The following LRRK1 variants were observed in gnomAD, a reference collection of about 807,000 sequenced individuals.
LRRK1 encodes leucine rich repeat kinase 1, also known as leucine-rich repeat serine/threonine-protein kinase 1.
In LRRK1, 113 loss-of-function variants were observed where a neutral mutation model predicts 209.1. The ratio of observed to expected loss-of-function variants is 0.54; its 90% CI spans 0.46 to 0.63. The LOEUF (loss-of-function observed/expected upper bound fraction) is 0.63. LRRK1 is among the 30% of genes least tolerant of loss of function. The probability of loss-of-function intolerance (pLI) is 0.00; values close to 1 mark genes in which losing one functional copy is unlikely to be tolerated. For missense variants in LRRK1, 2,284 were observed against 2,632.2 expected (o/e 0.87, Z 2.89); for synonymous variants, 1,144 against 1,099.7 (o/e 1.04, Z -0.80).
In LRRK1 at chr15:101,049,737, T is replaced by C. The variant is rs181742254; in HGVS notation, c.3393T>C (p.Ala1131=). The change falls in exon 23 of 34, where the codon GCT becomes GCC. Residue 1131 remains alanine (A), a synonymous_variant. Coordinates refer to ENST00000388948, the MANE Select transcript of LRRK1 (RefSeq NM_024652.6). The part of the protein sequence containing the change: ...QSEVRDFSAM[A]FITDHVNSLI... ...AAGTGAGGGACTTCTCAGCCATGGC[T>C]TTCATCACGGACCACGTCAATTCCT... 205 of 1,614,108 alleles carry C rather than the reference T, an allele frequency of 1.3e-4. No homozygotes were observed. Among genetic ancestry groups the C allele is most frequent in the Non-Finnish European group, 1.7e-4 (196 of 1,179,964 alleles).
chr15:101,015,713 C>G (rs954184628), intron 12 of LRRK1, among the ~76,000 whole-genome samples: 1 of 152,222 alleles, frequency 6.6e-6, no homozygotes, highest in Non-Finnish European at 1.5e-5. Flanking sequence ...GTGAGAGTTT[C>G]TCATCCTCAC....
intron 11 of LRRK1, 76 bp from the exon 12 acceptor site, chr15:101,015,250 G>A: frequency 8.5e-7 from 1 of 1,175,790 alleles, no homozygotes; most frequent in African/African-American, 1.5e-5. Flanking sequence ...CCGTGGCTTG[G>A]CATTATAACA....
intron 2 of LRRK1, among the ~76,000 whole-genome samples, chr15:100,951,295 C>T (rs548441270): frequency 6.6e-6 from 1 of 152,060 alleles, no homozygotes; most frequent in Non-Finnish European, 1.5e-5. Context: ...AAATGGCAAG[C>T]GGTAGTCAGG....
At chr15:101,004,385 A>G (rs994556127) in intron 6 of LRRK1, among the ~76,000 whole-genome samples, 1 of 152,052 alleles carries the variant, frequency 6.6e-6, no homozygotes, top group African/African-American at 2.4e-5. Flanking sequence ...TTGATATTTC[A>G]GGATGATTGA....
intron 16 of LRRK1, 87 bp from the exon 17 acceptor site, chr15:101,025,878 T>C: frequency 4.2e-6 from 6 of 1,437,950 alleles, no homozygotes; most frequent in Non-Finnish European, 5.7e-6. Flanking sequence ...GCATCCAGGG[T>C]CAGCGCACCT....
chr15:101,008,388 C>T (rs570159936), intron 6 of LRRK1, among the ~76,000 whole-genome samples: 34 of 152,310 alleles, frequency 2.2e-4, no homozygotes, highest in African/African-American at 7.9e-4. Context: ...GCGGCAGCTC[C>T]TCTGATCACA....
At chr15:100,988,193 C>T (rs1458239579) in intron 4 of LRRK1, among the ~76,000 whole-genome samples, 3 of 152,148 alleles carry the variant, frequency 2.0e-5, no homozygotes, top group South Asian at 2.1e-4. Context: ...AGGTTTGTTA[C>T]GTGGGTAAAC....
At chr15:101,060,011 C>T (rs74040272) in intron 29 of LRRK1, among the ~76,000 whole-genome samples, 18,806 of 152,228 alleles carry the variant, frequency 0.12, 1,362 homozygotes, top group Non-Finnish European at 0.16. Flanking sequence ...GAGACAGTTC[C>T]GCTCAGGGCT....
chr15:101,020,842 G>A (rs1287935737), intron 12 of LRRK1, among the ~76,000 whole-genome samples: 1 of 152,222 alleles, frequency 6.6e-6, no homozygotes, highest in Non-Finnish European at 1.5e-5. Context: ...CTCTGCCACT[G>A]AGTGTCCTCA....
intron 6 of LRRK1, among the ~76,000 whole-genome samples, chr15:101,003,879 C>G (rs2032818959): frequency 6.6e-6 from 1 of 152,148 alleles, no homozygotes; most frequent in Admixed American, 6.5e-5. Context: ...CATGGTAACC[C>G]ACATTCCAGT....
Position 100,964,876 on chromosome 15 carries a change from T to C in LRRK1, c.98-8928T>C, listed in dbSNP as rs185854425. On this transcript the variant is annotated intron_variant, in intron 2 of 33. Coordinates refer to ENST00000388948, the MANE Select transcript of LRRK1 (RefSeq NM_024652.6). ...TAAAGCCATTTTTTTCATTTCATTT[T>C]CTCTATTTTCCTAGATTTGTAGGGA... 2.6e-5 allele frequency among the ~76,000 whole-genome samples: 4 copies of C among 152,352 alleles called. No homozygotes were observed. The East Asian group carries it at 7.7e-4, about 29-fold the overall frequency.
chr15:100,998,561 C>T (rs1359367618), intron 6 of LRRK1, among the ~76,000 whole-genome samples: 1 of 150,162 alleles, frequency 6.7e-6, no homozygotes, highest in African/African-American at 2.5e-5. Context: ...GCCAATTTTG[C>T]TCACCCTGTG....
chr15:101,051,928 C>T lies in LRRK1; in HGVS notation c.3657C>T (p.Val1219=). The stretch of plus-strand genomic sequence containing the variant: ...TCCCCGTGCCGCTGCAGGAGCTGGT[C>T]CCTGAACTGTTCATGACCGACTTCC... The part of the protein sequence containing the change: ...PDLPVPLQEL[V]PELFMTDFPA... The change falls in exon 24 of 34, where the codon GTC becomes GTT. Residue 1219 remains valine, a synonymous_variant. Coordinates refer to ENST00000388948, the MANE Select transcript of LRRK1 (RefSeq NM_024652.6). 1 of 1,613,900 alleles carries T rather than the reference C, an allele frequency of 6.2e-7. No individual in the cohort carries two copies. The highest frequency in any genetic ancestry group is 8.5e-7 in the Non-Finnish European group (1 of 1,180,004).
Position 101,028,955 on chromosome 15 carries a change from G to A in LRRK1, c.2687-1G>A, listed in dbSNP as rs778321865. 6.8e-6 allele frequency: 11 copies of A among 1,613,518 alleles called. No individual in the cohort carries two copies. Among genetic ancestry groups the A allele is most frequent in the Non-Finnish European group, 9.3e-6 (11 of 1,179,710 alleles). ...CTTCCTCCTCTCCTTGCCTGGGGCAGCCATCAGCTTCCTCATAGAAACCGG... is the reference window on the plus strand; with the variant it reads ...CTTCCTCCTCTCCTTGCCTGGGGCAACCATCAGCTTCCTCATAGAAACCGG... On this transcript the variant is annotated splice_acceptor_variant, in intron 19 of 33. Transcript: ENST00000388948. LOFTEE classifies it high-confidence loss of function.
At chr15:101,021,823 T>G in intron 13 of LRRK1, 22 bp from the exon 14 acceptor site, 2 of 1,410,500 alleles carry the variant, frequency 1.4e-6, no homozygotes, top group Non-Finnish European at 2.0e-6. Flanking sequence ...TATTCTCTCG[T>G]GGTGGACACA....
chr15:101,008,514 G>T (rs1469181385), intron 6 of LRRK1, among the ~76,000 whole-genome samples: 1 of 152,178 alleles, frequency 6.6e-6, no homozygotes, highest in Admixed American at 6.5e-5. Flanking sequence ...GGACAATCCC[G>T]CCGCGCTCTT....
chr15:101,029,384 C>T (rs2034185271), intron 20 of LRRK1, 152 bp downstream of exon 20: 2 of 785,086 alleles, frequency 2.5e-6, no homozygotes, highest in Admixed American at 3.0e-5. Flanking sequence ...GATGACCTGC[C>T]TGCCGGGCCT....
intron 23 of LRRK1, among the ~76,000 whole-genome samples, chr15:101,050,529 C>T (rs2035360843): frequency 6.6e-6 from 1 of 151,488 alleles, no homozygotes; most frequent in Admixed American, 6.6e-5. Context: ...AGAGCCTCAG[C>T]CCCTGAACGC....
chr15:100,945,490 T>C (rs2042521558), intron 2 of LRRK1, among the ~76,000 whole-genome samples: 1 of 95,086 alleles, frequency 1.1e-5, no homozygotes. Context: ...CTCTTTTTTT[T>C]TTTTTTTTTT....
Sources: gnomAD v4.1 joint callset for allele counts (sites outside exome capture counted in the v4.1 genomes callset) on GRCh38, gnomAD v4.1.1 for gene constraint, MANE v1.5 for transcripts, NCBI Gene and HGNC (gene_info 2026-07-23, HGNC 2026-07-21) for gene names.